The following JAKMIP2 variants were observed in gnomAD, a reference collection of about 807,000 sequenced individuals.
JAKMIP2 encodes the protein janus kinase and microtubule interacting protein 2.
JAKMIP2 carries 25 observed loss-of-function variants against 115.0 expected under a neutral mutation model. The observed-to-expected ratio is 0.22, with a 90% CI of 0.16 to 0.30. The LOEUF (loss-of-function observed/expected upper bound fraction) is 0.30, where lower values mean the gene tolerates loss of function less well. Ranked by LOEUF, JAKMIP2 falls within the 10% of genes least tolerant of loss-of-function variation. JAKMIP2 has a pLI of 1.00. For missense variants in JAKMIP2, 642 were observed against 957.6 expected (o/e 0.67, Z 4.35); for synonymous variants, 334 against 343.6 (o/e 0.97, Z 0.31).
intron 20 of JAKMIP2, among the ~76,000 whole-genome samples, chr5:147,603,508 GA>G (rs1318791086): frequency 1.3e-5 from 2 of 152,190 alleles, no homozygotes; most frequent in Admixed American, 6.5e-5. Context: ...CACAAGGGAA[GA>G]ATGAAGAGTA....
chr5:147,663,200 G>A (rs1759123350), intron 2 of JAKMIP2, among the ~76,000 whole-genome samples: 1 of 152,160 alleles, frequency 6.6e-6, no homozygotes, highest in Non-Finnish European at 1.5e-5. Context: ...AATACTGAGT[G>A]TCAACTTGAT....
intron 1 of JAKMIP2, among the ~76,000 whole-genome samples, chr5:147,723,164 T>G (rs918627116): frequency 1.3e-5 from 2 of 152,150 alleles, no homozygotes; most frequent in East Asian, 3.8e-4. Flanking sequence ...CATCTTATTT[T>G]AATATAAGAT....
chr5:147,607,752 C>T (rs534171811), intron 20 of JAKMIP2, among the ~76,000 whole-genome samples: 2 of 152,230 alleles, frequency 1.3e-5, no homozygotes, highest in South Asian at 2.1e-4. Flanking sequence ...ATGAATGGTA[C>T]CAACTCCTCT....
chr5:147,594,573 A>T, intron 21 of JAKMIP2: 1 of 326,612 alleles, frequency 3.1e-6, no homozygotes, highest in Non-Finnish European at 6.6e-6. Flanking sequence ...GGCTCAAGTG[A>T]TCCACCTGCC....
At chr5:147,655,946 T>G (rs1325701397) in intron 3 of JAKMIP2, among the ~76,000 whole-genome samples, 1 of 152,230 alleles carries the variant, frequency 6.6e-6, no homozygotes, top group Non-Finnish European at 1.5e-5. Context: ...TTAATTTTGT[T>G]ATTTACCCAG....
chr5:147,706,308 C>T (rs764531726), intron 1 of JAKMIP2, among the ~76,000 whole-genome samples: 15 of 152,076 alleles, frequency 9.9e-5, no homozygotes, highest in Non-Finnish European at 1.9e-4. Context: ...GGAGAACCAG[C>T]AACTGCATTC....
In JAKMIP2 at chr5:147,587,082, C is replaced by G. The variant is rs1230554662; in HGVS notation, c.*4625G>C. 1 of 152,078 alleles carries G rather than the reference C, an allele frequency of 6.6e-6. No individual in the cohort carries two copies. The highest frequency in any genetic ancestry group is 6.6e-5 in the Admixed American group (1 of 15,256). The allele number at this position is 152,078 out of a possible 1,614,324, so 9.4% of individuals were successfully genotyped here. A position where few individuals can be genotyped will look rare whatever the true frequency, so the allele number is the denominator to read the frequency against. ...CTTGCCAATATGCCTGAAATTAGAT[C>G]TCAAGATACTACATTATATAGAAAT... On this transcript the variant is annotated 3_prime_UTR_variant, in exon 22 of 22. Coordinates refer to ENST00000616793, the MANE Select transcript of JAKMIP2 (RefSeq NM_001270941.2).
chr5:147,746,975 C>T (rs567919183), intron 1 of JAKMIP2, among the ~76,000 whole-genome samples: 1 of 152,140 alleles, frequency 6.6e-6, no homozygotes, highest in African/African-American at 2.4e-5. Context: ...GTGAATTTTT[C>T]TCCTAAATTC....
In JAKMIP2 at chr5:147,590,288, AAT is replaced by A. The variant is rs1755049519; in HGVS notation, c.*1417_*1418del. The A allele has an allele frequency of 6.6e-6, 1 of 152,196 alleles. No homozygotes were observed. The highest frequency in any genetic ancestry group is 6.5e-5 in the Admixed American group (1 of 15,278). The allele number at this position is 152,196 out of a possible 1,614,324, so 9.4% of individuals were successfully genotyped here. On this transcript the variant is annotated 3_prime_UTR_variant, in exon 22 of 22. Coordinates refer to ENST00000616793, the MANE Select transcript of JAKMIP2 (RefSeq NM_001270941.2). ...TAAATAAAACTTCAAAAATTTGAAAAATTGAGGTTGTTCTGTTATCTACAGTA... is the reference window on the plus strand; with the variant it reads ...TAAATAAAACTTCAAAAATTTGAAAATGAGGTTGTTCTGTTATCTACAGTA...
At position 147,711,914 on chromosome 5, in the gene JAKMIP2, C is replaced by T. The variant is rs112691646; in HGVS notation, c.-148-39960G>A. Among the ~76,000 whole-genome samples, 530 of 152,278 alleles carry T rather than the reference C, an allele frequency of 3.5e-3. 3 individuals are homozygous for T. The highest frequency in any genetic ancestry group is 0.012 in the African/African-American group (509 of 41,568). On this transcript the variant is annotated intron_variant, in intron 1 of 21. Coordinates refer to ENST00000616793, the MANE Select transcript of JAKMIP2 (RefSeq NM_001270941.2). ...AATTCCTGACCTCAGGTGATCCACC[C>T]GCCTCGGACACCGCGCCCAGCCCAT...
intron 20 of JAKMIP2, among the ~76,000 whole-genome samples, chr5:147,610,076 C>A (rs1272889336): frequency 1.3e-5 from 2 of 152,102 alleles, no homozygotes; most frequent in African/African-American, 4.8e-5. Context: ...GTTAGCAATT[C>A]CTCTAACCTT....
At chr5:147,729,487 G>A (rs1264588059) in intron 1 of JAKMIP2, among the ~76,000 whole-genome samples, 1 of 152,078 alleles carries the variant, frequency 6.6e-6, no homozygotes, top group East Asian at 1.9e-4. Context: ...AAAAAGCTTT[G>A]TTCTGGCCAG....
intron 2 of JAKMIP2, among the ~76,000 whole-genome samples, chr5:147,662,244 A>G (rs1159953468): frequency 6.6e-6 from 1 of 151,848 alleles, no homozygotes; most frequent in Non-Finnish European, 1.5e-5. Context: ...TCTCTGATGA[A>G]GGACTTTAGT....
intron 20 of JAKMIP2, among the ~76,000 whole-genome samples, chr5:147,609,529 T>C (rs1468777351): frequency 1.3e-5 from 2 of 152,222 alleles, no homozygotes; most frequent in Non-Finnish European, 2.9e-5. Flanking sequence ...TTGTAGGGTT[T>C]CTGCTGAGAG....
At chr5:147,693,185 C>T (rs1160722826) in intron 1 of JAKMIP2, among the ~76,000 whole-genome samples, 2 of 152,152 alleles carry the variant, frequency 1.3e-5, no homozygotes, top group Non-Finnish European at 2.9e-5. Context: ...ACTCTGGAGT[C>T]AGACCCTAGG....
Position 147,591,690 on chromosome 5 carries a change from C to T in JAKMIP2, c.*21-4G>A, listed in dbSNP as rs7449194. 0.98 allele frequency: 1,552,640 copies of T among 1,576,406 alleles called. 766,043 individuals are homozygous for T. The highest frequency in any genetic ancestry group is 1 in the Non-Finnish European group (1,152,082 of 1,153,148). On this transcript the variant is annotated splice_region_variant and splice_polypyrimidine_tract_variant and intron_variant, in intron 21 of 21. Transcript: ENST00000616793. Reference sequence around the variant, plus strand: ...CTTATCCATGTTTTCGGTTACTCTGCAAAACAGAGGAAAAAAATTATTTAT... The same window carrying T: ...CTTATCCATGTTTTCGGTTACTCTGTAAAACAGAGGAAAAAAATTATTTAT...
intron 3 of JAKMIP2, among the ~76,000 whole-genome samples, chr5:147,659,362 C>T (rs962884597): frequency 6.6e-6 from 1 of 152,172 alleles, no homozygotes; most frequent in Non-Finnish European, 1.5e-5. Flanking sequence ...GTGGGTCACA[C>T]CCACTGCCAA....
chr5:147,623,267 G>A (rs1449991305), intron 17 of JAKMIP2, among the ~76,000 whole-genome samples: 1 of 149,978 alleles, frequency 6.7e-6, no homozygotes, highest in Non-Finnish European at 1.5e-5. Context: ...TGGATGTAAG[G>A]TGGCTTAGGG....
At chr5:147,641,195 T>G (rs144054817) in intron 8 of JAKMIP2, among the ~76,000 whole-genome samples, 28 of 152,244 alleles carry the variant, frequency 1.8e-4, no homozygotes, top group African/African-American at 6.5e-4. Context: ...ATCTTAAGCC[T>G]TGTCATCCAA....
Sources: allele counts gnomAD v4.1 joint callset (sites outside exome capture counted in the v4.1 genomes callset), GRCh38; gene constraint gnomAD v4.1.1; transcripts MANE v1.5; gene names NCBI Gene and HGNC (gene_info 2026-07-23, HGNC 2026-07-21).